AP3B1: variants seen among roughly 807,000 people sequenced by gnomAD.
AP3B1 encodes adaptor related protein complex 3 subunit beta 1, also known as AP-3 complex subunit beta-1.
In AP3B1, 61 loss-of-function variants were observed where a neutral mutation model predicts 132.5. The observed-to-expected ratio is 0.46, with a 90% CI of 0.37 to 0.57. AP3B1 has a LOEUF of 0.57. Ranked by LOEUF, AP3B1 falls within the 20% of genes least tolerant of loss-of-function variation. AP3B1 has a pLI of 0.00. For synonymous variants in AP3B1, 388 were observed against 438.3 expected (o/e 0.89, Z 1.43); for missense variants, 1,120 against 1,289.4 (o/e 0.87, Z 2.01).
rs202025604 is a variant in AP3B1 at position 78,227,115 on chromosome 5, T to G, written c.536+257A>C. Among the ~76,000 whole-genome samples the G allele has an allele frequency of 8.5e-5, 13 of 152,274 alleles. No individual in the cohort carries two copies. The East Asian group carries it at 1.3e-3, about 16-fold the overall frequency. On this transcript the variant is annotated intron_variant, in intron 5 of 26. Transcript: ENST00000255194. Reference sequence around the variant, plus strand: ...TGAGAATTCAAATTCTGATTATTCTTAAGTTATAAAATCTATAAATTATCA... The same window carrying G: ...TGAGAATTCAAATTCTGATTATTCTGAAGTTATAAAATCTATAAATTATCA...
chr5:78,166,680 T>A (rs1386444491), intron 11 of AP3B1, among the ~76,000 whole-genome samples: 1 of 151,942 alleles, frequency 6.6e-6, no homozygotes, highest in Non-Finnish European at 1.5e-5. Context: ...ATAAACTACA[T>A]TAAATAAAGC....
chr5:78,007,630 C>T, intron 26 of AP3B1, among the ~76,000 whole-genome samples: 1 of 152,232 alleles, frequency 6.6e-6, no homozygotes, highest in African/African-American at 2.4e-5. Flanking sequence ...TTGGAATAAG[C>T]CTCCTAAACA....
chr5:78,100,968 G>A lies in AP3B1; in HGVS notation c.2455C>T (p.Leu819=). Residue 819 remains leucine (L), a synonymous_variant, in exon 21 of 27, where the codon CTA becomes TTA. Coordinates refer to ENST00000255194, the MANE Select transcript of AP3B1 (RefSeq NM_003664.5). ...RTPLTKDVSL[L]DLDDFNPVST... ...CAATACTTACAATCATCCAGATCTA[G>A]AAGTGAAACATCTTTGGTAAGAGGA... 6.4e-7 allele frequency: 1 copy of A among 1,553,102 alleles called. No homozygotes were observed. The highest frequency in any genetic ancestry group is 1.4e-5 in the African/African-American group (1 of 73,766).
chr5:78,089,594 T>A (rs1447843689), intron 21 of AP3B1, 95 bp from the exon 22 acceptor site: 1 of 796,106 alleles, frequency 1.3e-6, no homozygotes, highest in African/African-American at 1.7e-5. Flanking sequence ...TCTAATTAAA[T>A]TACTTTGATT....
chr5:78,140,499 T>G (rs148319191), intron 15 of AP3B1, among the ~76,000 whole-genome samples: 1 of 152,210 alleles, frequency 6.6e-6, no homozygotes, highest in Non-Finnish European at 1.5e-5. Context: ...TTTTCTAATT[T>G]ACAGATAGCA....
At chr5:78,132,871 TA>T (rs1467251027) in intron 15 of AP3B1, among the ~76,000 whole-genome samples, 1 of 152,190 alleles carries the variant, frequency 6.6e-6, no homozygotes, top group East Asian at 1.9e-4. Flanking sequence ...ACTTCCACTT[TA>T]AAAAATATAT....
At chr5:78,186,215 A>G (rs1744599042) in intron 7 of AP3B1, among the ~76,000 whole-genome samples, 1 of 152,220 alleles carries the variant, frequency 6.6e-6, no homozygotes, top group Non-Finnish European at 1.5e-5. Flanking sequence ...ATAGCATGCT[A>G]ATATTAATCA....
intron 8 of AP3B1, among the ~76,000 whole-genome samples, chr5:78,179,092 C>G (rs1008635599): frequency 3.3e-5 from 5 of 152,096 alleles, no homozygotes; most frequent in African/African-American, 1.2e-4. Flanking sequence ...AAAATAAACT[C>G]TCCTGAATTT....
chr5:78,252,576 C>T (rs775386304), intron 2 of AP3B1, among the ~76,000 whole-genome samples: 11 of 152,206 alleles, frequency 7.2e-5, no homozygotes, highest in Non-Finnish European at 1.3e-4. Flanking sequence ...TATGGGGGTA[C>T]TCTGGCAGTA....
chr5:78,010,932 T>C (rs760597803), intron 26 of AP3B1, among the ~76,000 whole-genome samples: 1 of 152,148 alleles, frequency 6.6e-6, no homozygotes, highest in African/African-American at 2.4e-5. Context: ...ATTTAATAAA[T>C]GCTTTTTGAT....
chr5:78,245,460 C>T (rs1402079178), intron 2 of AP3B1, among the ~76,000 whole-genome samples: 1 of 152,180 alleles, frequency 6.6e-6, no homozygotes, highest in Non-Finnish European at 1.5e-5. Context: ...AGCATGGGAA[C>T]ATGATGGCAA....
chr5:78,097,605 TG>T (rs1218959775), intron 21 of AP3B1, among the ~76,000 whole-genome samples: 1 of 74,790 alleles, frequency 1.3e-5, no homozygotes, highest in East Asian at 3.7e-4. Flanking sequence ...GGGAGGGAGG[TG>T]GGGGGGTCAG....
chr5:78,107,593 G>A (rs955471519), intron 20 of AP3B1, among the ~76,000 whole-genome samples: 2 of 152,138 alleles, frequency 1.3e-5, no homozygotes, highest in African/African-American at 4.8e-5. Flanking sequence ...AAGTGGATGC[G>A]AGTCTTACAC....
At chr5:78,012,986 A>G (rs1285233660) in intron 26 of AP3B1, among the ~76,000 whole-genome samples, 1 of 152,182 alleles carries the variant, frequency 6.6e-6, no homozygotes, top group African/African-American at 2.4e-5. Context: ...CTCTAAGTCT[A>G]TCTCCCAATA....
At chr5:78,141,612 G>T (rs2161192) in intron 14 of AP3B1, among the ~76,000 whole-genome samples, 2 of 152,150 alleles carry the variant, frequency 1.3e-5, no homozygotes, top group African/African-American at 2.4e-5. Flanking sequence ...AGCCAGTCTA[G>T]CTGCCCATAC....
At chr5:78,073,658 T>C (rs1430711330) in intron 22 of AP3B1, among the ~76,000 whole-genome samples, 1 of 152,164 alleles carries the variant, frequency 6.6e-6, no homozygotes, top group Non-Finnish European at 1.5e-5. Context: ...AAGATGAATC[T>C]TTTAAAAACA....
At chr5:78,240,805 A>T (rs1394977436) in intron 3 of AP3B1, 57 bp downstream of exon 3, 2 of 1,193,312 alleles carry the variant, frequency 1.7e-6, no homozygotes, top group Non-Finnish European at 2.5e-6. Context: ...CTACATAAAA[A>T]GTGTACGGTC....
Position 78,015,272 on chromosome 5 carries a change from T to C in AP3B1, c.3131+138A>G, listed in dbSNP as rs377275665. 6.9e-5 allele frequency: 62 copies of C among 894,268 alleles called. 1 individual carries two copies. In the East Asian group the frequency reaches 9.1e-4, roughly 13 times the overall value. The allele number at this position is 894,268 out of a possible 1,614,324, so 55.4% of individuals were successfully genotyped here. ...TGCAAAGCAATCAACAACTATACCA[T>C]CAGAAAAAAAAGGGAGTGTGTGTAT... On this transcript the variant is annotated intron_variant, in intron 26 of 26. Coordinates refer to ENST00000255194, the MANE Select transcript of AP3B1 (RefSeq NM_003664.5).
intron 21 of AP3B1, among the ~76,000 whole-genome samples, chr5:78,092,943 C>T (rs974421650): frequency 6.6e-6 from 1 of 152,180 alleles, no homozygotes; most frequent in Non-Finnish European, 1.5e-5. Flanking sequence ...AGCCACCATG[C>T]CAAGCCTAAA....
Sources: gnomAD v4.1 joint callset for allele counts (sites outside exome capture counted in the v4.1 genomes callset) on GRCh38, gnomAD v4.1.1 for gene constraint, MANE v1.5 for transcripts, NCBI Gene and HGNC (gene_info 2026-07-23, HGNC 2026-07-21) for gene names.